The following MEST variants were observed in gnomAD, a reference collection of about 807,000 sequenced individuals.
MEST encodes the protein mesoderm-specific transcript homolog protein.
Under a neutral mutation model 50.9 loss-of-function variants are expected in MEST, and 18 were observed. The observed-to-expected ratio is 0.35, with a 90% CI of 0.24 to 0.52. The LOEUF (loss-of-function observed/expected upper bound fraction) is 0.52, where lower values mean the gene tolerates loss of function less well. MEST is among the 20% of genes least tolerant of loss of function. MEST has a pLI of 0.94. For synonymous variants in MEST, 130 were observed against 154.1 expected (o/e 0.84, Z 1.16); for missense variants, 282 against 425.3 (o/e 0.66, Z 2.96).
At position 130,492,276 on chromosome 7, in the gene MEST, C is replaced by T. The variant is rs1584937989; in HGVS notation, c.-38C>T. Reference sequence around the variant, plus strand: ...TGCGGGCTCTGCGGCGCCCGGTGCTCTGCAACGCTGCGGCGGGCGGCATGG... The same window carrying T: ...TGCGGGCTCTGCGGCGCCCGGTGCTTTGCAACGCTGCGGCGGGCGGCATGG... On this transcript the variant is annotated 5_prime_UTR_variant, in exon 1 of 12. Coordinates refer to ENST00000223215, the MANE Select transcript of MEST (RefSeq NM_002402.4). This position sits in a 1 kb window ranked among gnomAD's most constrained non-coding sequence, Gnocchi z 7.6. 1.3e-5 allele frequency: 18 copies of T among 1,347,210 alleles called. No homozygotes were observed. Among genetic ancestry groups the T allele is most frequent in the Non-Finnish European group, 1.7e-5 (18 of 1,051,096 alleles). 83.5% of individuals were successfully genotyped at this position (1,347,210 alleles called of 1,614,324 possible).
In MEST at chr7:130,505,191, G is replaced by A; in HGVS notation, c.*135G>A. On this transcript the variant is annotated 3_prime_UTR_variant, in exon 12 of 12. Coordinates refer to ENST00000223215, the MANE Select transcript of MEST (RefSeq NM_002402.4). ...TCACAAAGTCCACTTTACTCAAATT[G>A]GTGAACAGTGTATAGGAAGAAGCCA... 1.4e-6 allele frequency: 1 copy of A among 714,908 alleles called. No individual in the cohort carries two copies. 44.3% of individuals were successfully genotyped at this position (714,908 alleles called of 1,614,324 possible).
chr7:130,496,210 G>T, intron 2 of MEST: 1 of 454,040 alleles, frequency 2.2e-6, no homozygotes, highest in African/African-American at 2.0e-5. Flanking sequence ...ATTCAATTAA[G>T]TAAGTATACA....
chr7:130,492,476 C>T lies in MEST; in HGVS notation c.26+137C>T, dbSNP rs1798863859. On this transcript the variant is annotated intron_variant, in intron 1 of 11. Transcript: ENST00000223215. This position sits in a 1 kb window ranked among gnomAD's most constrained non-coding sequence, Gnocchi z 7.6. ...CTCTACCGACAGGCGGCACGCATTC[C>T]GCGCCCGCTCTGCCTACTTGAGGAG... is the stretch of plus-strand genomic sequence containing the variant. 1 of 668,422 alleles carries T rather than the reference C, an allele frequency of 1.5e-6. No individual in the cohort carries two copies. Among genetic ancestry groups the T allele is most frequent in the Non-Finnish European group, 2.1e-6 (1 of 472,858 alleles). The allele number at this position is 668,422 out of a possible 1,614,324, so 41.4% of individuals were successfully genotyped here. A position where few individuals can be genotyped will look rare whatever the true frequency, so the allele number is the denominator to read the frequency against.
At chr7:130,496,177 C>G (rs781884324) in intron 2 of MEST, 1 of 464,140 alleles carries the variant, frequency 2.2e-6, no homozygotes, top group Non-Finnish European at 4.4e-6. Flanking sequence ...CATTATTGCT[C>G]CTGACCTCCT....
intron 1 of MEST, 39 bp from the exon 2 acceptor site, chr7:130,495,329 T>TA: frequency 6.4e-7 from 1 of 1,567,844 alleles, no homozygotes; most frequent in Non-Finnish European, 8.7e-7. Flanking sequence ...TGGACAATGT[T>TA]ACCTGACTGC....
chr7:130,494,648 G>A (rs1798971557), intron 1 of MEST: 1 of 154,614 alleles, frequency 6.5e-6, no homozygotes, highest in African/African-American at 2.4e-5. Flanking sequence ...GTAATCTACC[G>A]CCTTGACCTC....
At chr7:130,504,905 T>C (rs1554439489) in intron 11 of MEST, 34 bp from the exon 12 acceptor site, 1 of 1,562,410 alleles carries the variant, frequency 6.4e-7, no homozygotes, top group Non-Finnish European at 8.8e-7. Context: ...CGCTCCAGCC[T>C]CAAGTTCACC....
chr7:130,494,806 G>A, intron 1 of MEST: 1 of 984,516 alleles, frequency 1.0e-6, no homozygotes, highest in Non-Finnish European at 1.2e-6. Flanking sequence ...ATTTAGGCAG[G>A]AGGGCTGAAA....
chr7:130,497,292 G>C lies in MEST; in HGVS notation c.261+57G>C. On this transcript the variant is annotated intron_variant, in intron 3 of 11. Coordinates refer to ENST00000223215, the MANE Select transcript of MEST (RefSeq NM_002402.4). The surrounding 1 kb of genome is among the most constrained non-coding windows in gnomAD (Gnocchi z 4.0). ...GTCTTAAAAAATCTCGGCCGGGCGC[G>C]GGGGCTCAAATCCTAGCACTTTGGG... The C allele has an allele frequency of 2.7e-6, 4 of 1,464,968 alleles. No homozygotes were observed. The highest frequency in any genetic ancestry group is 2.8e-6 in the Non-Finnish European group (3 of 1,058,956). The allele number at this position is 1,464,968 out of a possible 1,614,324, so 90.7% of individuals were successfully genotyped here. A position where few individuals can be genotyped will look rare whatever the true frequency, so the allele number is the denominator to read the frequency against.
rs200944340 is a variant in MEST, at chr7:130,498,265, C to A, written c.466C>A (p.Leu156Ile). ...HDYGDIVAQE[L>I]LYRYKQNRSG... ...CTATGGAGATATTGTTGCTCAGGAG[C>A]TTCTCTACAGGTCAGTGGAGCTTCA... Residue 156 changes from leucine (L) to isoleucine (I), a missense_variant, in exon 5 of 12, where the codon CTT becomes ATT. By Grantham distance (5) the Leu-to-Ile change is conservative. Coordinates refer to ENST00000223215, the MANE Select transcript of MEST (RefSeq NM_002402.4). 80 of 1,614,120 alleles carry A rather than the reference C, an allele frequency of 5.0e-5. No homozygotes were observed. Among genetic ancestry groups the A allele is most frequent in the Non-Finnish European group, 6.2e-5 (73 of 1,179,996 alleles).
chr7:130,503,974 CCA>C lies in MEST; in HGVS notation c.869_870del (p.Pro290ArgfsTer20). 6.2e-7 allele frequency: 1 copy of C among 1,613,282 alleles called. No individual in the cohort carries two copies. The highest frequency in any genetic ancestry group is 8.5e-7 in the Non-Finnish European group (1 of 1,179,322). On this transcript the variant is annotated frameshift_variant, in exon 11 of 12. Coordinates refer to ENST00000223215, the MANE Select transcript of MEST (RefSeq NM_002402.4). LOFTEE classifies it high-confidence loss of function. ...GCCATTGGATCCTGTAAATCCCTATCCAGAGTTTTTGGAGCTGTACAGGTGAG... is the reference window on the plus strand; with the variant it reads ...GCCATTGGATCCTGTAAATCCCTATCGAGTTTTTGGAGCTGTACAGGTGAG... The part of the protein sequence containing the change: ...YGPLDPVNPY[P>X]EFLELYRKTL...
intron 1 of MEST, among the ~76,000 whole-genome samples, chr7:130,493,678 C>T (rs938913409): frequency 9.2e-5 from 14 of 152,176 alleles, no homozygotes; most frequent in Admixed American, 9.2e-4. Flanking sequence ...ATTTGCCGCT[C>T]TGGCCGCCCC....
intron 4 of MEST, 53 bp downstream of exon 4, chr7:130,498,066 T>C (rs1325176462): frequency 6.2e-7 from 1 of 1,613,770 alleles, no homozygotes; most frequent in Non-Finnish European, 8.5e-7. Context: ...AGACGCAGAC[T>C]ATGAGGGTCA....
upstream of MEST, chr7:130,492,031 G>T (rs1264201539): frequency 4.8e-6 from 1 of 206,404 alleles, no homozygotes; most frequent in African/African-American, 2.4e-5. This position sits in a 1 kb window ranked among gnomAD's most constrained non-coding sequence, Gnocchi z 7.6. Context: ...CGATGGGCGG[G>T]CTAGGGGCGG....
rs782323592 is a variant in MEST, at chr7:130,503,940, T to G, written c.834T>G (p.Phe278Leu). 3.1e-6 allele frequency: 5 copies of G among 1,612,742 alleles called. No homozygotes were observed. Among genetic ancestry groups the G allele is most frequent in the African/African-American group, 1.3e-5 (1 of 74,900 alleles). Residue 278 changes from phenylalanine to leucine, a missense_variant, in exon 11 of 12, where the codon TTT becomes TTG. By Grantham distance (22) the Phe-to-Leu change is conservative. Coordinates refer to ENST00000223215, the MANE Select transcript of MEST (RefSeq NM_002402.4). The part of the protein sequence containing the change: ...ALASVTIPIH[F>L]IYGPLDPVNP... ...TCCTTTTCTCTTTTCTAGTTCATTT[T>G]ATCTATGGGCCATTGGATCCTGTAA...
At chr7:130,487,249 T>C (rs1335031832), upstream of MEST, 3 of 152,106 alleles carry the variant, frequency 2.0e-5, no homozygotes, top group African/African-American at 7.2e-5. Flanking sequence ...AGATGATATA[T>C]GTGAAAGGGT....
intron 10 of MEST, 149 bp downstream of exon 10, chr7:130,502,869 T>G: frequency 1.6e-6 from 1 of 621,710 alleles, no homozygotes; most frequent in Non-Finnish European, 2.8e-6. Flanking sequence ...CAACAAATGC[T>G]TTTTTAGTAT....
chr7:130,488,879 C>T (rs1798700360), upstream of MEST: 1 of 152,200 alleles, frequency 6.6e-6, no homozygotes, highest in Non-Finnish European at 1.5e-5. Flanking sequence ...CCTCAGTCTG[C>T]AGTCACAGTA....
intron 6 of MEST, among the ~76,000 whole-genome samples, chr7:130,499,525 T>C (rs902779997): frequency 6.6e-6 from 1 of 152,238 alleles, no homozygotes; most frequent in Non-Finnish European, 1.5e-5. Flanking sequence ...ATCTTTAAGA[T>C]GGGAAAAGTA....
Sources: allele counts gnomAD v4.1 joint callset (sites outside exome capture counted in the v4.1 genomes callset), GRCh38; gene constraint gnomAD v4.1.1; non-coding constraint Gnocchi (gnomAD v3.1); transcripts MANE v1.5; gene names NCBI Gene and HGNC (gene_info 2026-07-23, HGNC 2026-07-21).